The following TECPR2 variants were observed in gnomAD, a reference collection of about 807,000 sequenced individuals.
The protein encoded by TECPR2 is tectonin beta-propeller repeat-containing protein 2.
Under a neutral mutation model 138.1 loss-of-function variants are expected in TECPR2, and 65 were observed. The ratio of observed to expected loss-of-function variants is 0.47; its 90% CI spans 0.39 to 0.58. The LOEUF (loss-of-function observed/expected upper bound fraction) is 0.58, where lower values mean the gene tolerates loss of function less well. Ranked by LOEUF, TECPR2 falls within the 20% of genes least tolerant of loss-of-function variation. The pLI, the probability that TECPR2 is intolerant of heterozygous loss-of-function variation, is 0.00. For synonymous variants in TECPR2, 746 were observed against 749.8 expected, an observed-to-expected ratio of 0.99 and a Z score of 0.08; for missense variants, 1,553 against 1,824.5, an observed-to-expected ratio of 0.85 and a Z score of 2.71.
At chr14:102,487,863 C>T (rs1353736626) in intron 17 of TECPR2, among the ~76,000 whole-genome samples, 3 of 122,718 alleles carry the variant, frequency 2.4e-5, no homozygotes, top group Non-Finnish European at 5.1e-5. Flanking sequence ...TTTTTTGATA[C>T]GGAGTTTCAC....
rs1889719123 is a variant in TECPR2 at position 102,438,048 on chromosome 14, G to A, written c.2421G>A (p.Ser807=). The part of the protein sequence containing the change: ...DQFAESWMGY[S]GPGYGILSLV... ...TTGCAGAAAGCTGGATGGGCTACTC[G>A]GGTCCCGGCTATGGCATCCTCAGCT... Residue 807 remains serine, a synonymous_variant, in exon 10 of 20, where the codon TCG becomes TCA. Transcript: ENST00000359520. 8 of 1,614,036 alleles carry A rather than the reference G, an allele frequency of 5.0e-6. No homozygotes were observed. In the South Asian group the frequency reaches 6.6e-5, roughly 13 times the overall value.
chr14:102,475,357 C>T (rs1890735617), intron 17 of TECPR2, among the ~76,000 whole-genome samples: 1 of 152,134 alleles, frequency 6.6e-6, no homozygotes, highest in African/African-American at 2.4e-5. Flanking sequence ...GAGGGCTGGG[C>T]TAAGGCATTG....
intron 17 of TECPR2, among the ~76,000 whole-genome samples, chr14:102,483,985 CAAGGTTTCACCATGTTT>C (rs1890961658): frequency 6.1e-5 from 1 of 16,334 alleles, no homozygotes; most frequent in African/African-American, 5.2e-4. Flanking sequence ...TCAGTAGAGA[CAAGGTTTCACCATGTTT>C]GCCAGGCTGG....
chr14:102,403,036 T>G (rs1888536818), intron 2 of TECPR2, among the ~76,000 whole-genome samples: 1 of 152,176 alleles, frequency 6.6e-6, no homozygotes, highest in African/African-American at 2.4e-5. Context: ...CTGAATTCAC[T>G]CTATGAGGCC....
In TECPR2 at chr14:102,500,028, G is replaced by A. The variant is rs1036603539; in HGVS notation, c.*1771G>A. ...TGCCCGGCGCCTCACGGATGGCAAA[G>A]CTCTCCTCACCCATGGGACTGTAGT... On this transcript the variant is annotated 3_prime_UTR_variant, in exon 20 of 20. Transcript: ENST00000359520. The A allele has an allele frequency of 2.0e-5, 3 of 152,718 alleles. No individual in the cohort carries two copies. The highest frequency in any genetic ancestry group is 7.2e-5 in the African/African-American group (3 of 41,476). 9.5% of individuals were successfully genotyped at this position (152,718 alleles called of 1,614,324 possible).
At chr14:102,474,716 G>T (rs141096471) in intron 17 of TECPR2, among the ~76,000 whole-genome samples, 1 of 152,054 alleles carries the variant, frequency 6.6e-6, no homozygotes, top group Non-Finnish European at 1.5e-5. Flanking sequence ...CATGATCAGG[G>T]AGAAAAATAG....
intron 5 of TECPR2, among the ~76,000 whole-genome samples, chr14:102,417,593 C>T (rs1290571899): frequency 6.6e-6 from 1 of 152,328 alleles, no homozygotes; most frequent in African/African-American, 2.4e-5. Flanking sequence ...GGAAGAGCTG[C>T]TGGAAGAGCA....
chr14:102,422,853 T>C (rs1003316010), intron 5 of TECPR2, among the ~76,000 whole-genome samples: 5 of 152,204 alleles, frequency 3.3e-5, no homozygotes, highest in Non-Finnish European at 7.3e-5. Context: ...TATGTACATA[T>C]ACACAGTGGT....
chr14:102,402,898 A>C (rs1027641228), intron 2 of TECPR2, among the ~76,000 whole-genome samples: 1 of 152,178 alleles, frequency 6.6e-6, no homozygotes, highest in African/African-American at 2.4e-5. Flanking sequence ...TCAATAATCA[A>C]ATATCTCCTT....
chr14:102,462,600 G>A (rs1890433588), intron 16 of TECPR2, among the ~76,000 whole-genome samples: 2 of 152,188 alleles, frequency 1.3e-5, no homozygotes, highest in Admixed American at 1.3e-4. Flanking sequence ...AGTGACAACT[G>A]TGCAAGGGTG....
chr14:102,462,766 A>G (rs887258666), intron 16 of TECPR2, among the ~76,000 whole-genome samples: 1 of 152,254 alleles, frequency 6.6e-6, no homozygotes, highest in African/African-American at 2.4e-5. Context: ...CACTATTAAG[A>G]AAATGAAAAA....
intron 17 of TECPR2, among the ~76,000 whole-genome samples, chr14:102,490,938 A>G (rs1437023313): frequency 6.6e-6 from 1 of 152,020 alleles, no homozygotes; most frequent in Non-Finnish European, 1.5e-5. Context: ...CTTATTGCCC[A>G]GGCTGGAGTG....
intron 2 of TECPR2, among the ~76,000 whole-genome samples, chr14:102,384,994 C>G (rs1449101732): frequency 6.6e-6 from 1 of 151,202 alleles, no homozygotes; most frequent in Non-Finnish European, 1.5e-5. Context: ...GTGGCCAGGA[C>G]TACAGGTGTG....
intron 5 of TECPR2, among the ~76,000 whole-genome samples, chr14:102,416,312 G>C (rs1481712366): frequency 1.3e-5 from 2 of 151,994 alleles, no homozygotes; most frequent in Non-Finnish European, 2.9e-5. Flanking sequence ...GTAGAGACAG[G>C]GTTTCACCAT....
intron 1 of TECPR2, among the ~76,000 whole-genome samples, chr14:102,368,960 G>A (rs1438264077): frequency 6.6e-6 from 1 of 152,142 alleles, no homozygotes; most frequent in Non-Finnish European, 1.5e-5. Flanking sequence ...CAACACTTTT[G>A]ATTCAAAATG....
chr14:102,382,370 G>C (rs2139664211), intron 2 of TECPR2, among the ~76,000 whole-genome samples: 1 of 152,178 alleles, frequency 6.6e-6, no homozygotes, highest in East Asian at 1.9e-4. Context: ...ATAACCAGGG[G>C]TAAAAAAGAC....
chr14:102,496,904 C>T, intron 17 of TECPR2, 75 bp from the exon 18 acceptor site: 7 of 1,572,616 alleles, frequency 4.5e-6, no homozygotes, highest in South Asian at 1.2e-5. Flanking sequence ...AACATGTCCC[C>T]AGTTCCGGAA....
At chr14:102,425,699 C>G (rs1368616453) in intron 6 of TECPR2, among the ~76,000 whole-genome samples, 3 of 151,804 alleles carry the variant, frequency 2.0e-5, no homozygotes, top group Non-Finnish European at 4.4e-5. Flanking sequence ...CCTCAGCCTC[C>G]TGAGTAGCTG....
rs141146184 is a variant in TECPR2 at position 102,431,972 on chromosome 14, G to C, written c.1261G>C (p.Gly421Arg). The C allele has an allele frequency of 1.2e-6, 2 of 1,612,792 alleles. No individual in the cohort carries two copies. The highest frequency in any genetic ancestry group is 2.2e-5 in the South Asian group (2 of 91,050). ...SSLNSTDSGS[G>R]LLPPGLQATP... is the part of the protein sequence containing the mutation. ...GCTCAACTCCACCGACAGCGGCTCC[G>C]GGCTCCTGCCCCCTGGGCTCCAGGC... The change falls in exon 8 of 20, where the codon GGG becomes CGG. Residue 421 changes from glycine to arginine, a missense_variant. Coordinates refer to ENST00000359520, the MANE Select transcript of TECPR2 (RefSeq NM_014844.5).
Sources: allele counts gnomAD v4.1 joint callset (sites outside exome capture counted in the v4.1 genomes callset), GRCh38; gene constraint gnomAD v4.1.1; transcripts MANE v1.5; gene names NCBI Gene and HGNC (gene_info 2026-07-23, HGNC 2026-07-21).